The following DOCK1 variants were observed in gnomAD, a reference collection of about 807,000 sequenced individuals.
The protein encoded by DOCK1 is dedicator of cytokinesis 1.
A neutral mutation model predicts 262.7 loss-of-function variants in DOCK1; 138 were observed. That is an observed-to-expected ratio of 0.53 (90% CI 0.46 to 0.61). The LOEUF (loss-of-function observed/expected upper bound fraction) is 0.61. Among genes scored for constraint, DOCK1 ranks in the 20% least tolerant of loss-of-function variants. The pLI, the probability that DOCK1 is intolerant of heterozygous loss-of-function variation, is 0.00. For synonymous variants in DOCK1, 866 were observed against 867.4 expected, an observed-to-expected ratio of 1.00 and a Z score of 0.03; for missense variants, 1,908 against 2,370.7, an observed-to-expected ratio of 0.80 and a Z score of 4.05.
At chr10:127,020,558 A>T (rs1350655912) in intron 13 of DOCK1, among the ~76,000 whole-genome samples, 1 of 149,132 alleles carries the variant, frequency 6.7e-6, no homozygotes, top group Non-Finnish European at 1.5e-5. Flanking sequence ...ACAGAGAGAG[A>T]ACCTGTCTCA....
chr10:126,907,106 C>T (rs1220167965), intron 1 of DOCK1, among the ~76,000 whole-genome samples: 1 of 148,456 alleles, frequency 6.7e-6, no homozygotes. Flanking sequence ...GCACTTGGCA[C>T]GGGCCTTCAG....
chr10:126,948,464 G>A (rs1208069470), intron 1 of DOCK1, among the ~76,000 whole-genome samples: 1 of 151,930 alleles, frequency 6.6e-6, no homozygotes. Flanking sequence ...TGTGTTGGTA[G>A]TACTGATGTT....
intron 29 of DOCK1, among the ~76,000 whole-genome samples, chr10:127,302,737 AGG>A (rs34614558): frequency 0.11 from 15,245 of 134,828 alleles, 978 homozygotes; most frequent in Middle Eastern, 0.17. Flanking sequence ...TCTGGAAAAG[AGG>A]GGGTGTGTGT....
At chr10:127,180,905 G>A (rs200171864) in intron 27 of DOCK1, among the ~76,000 whole-genome samples, 6 of 152,192 alleles carry the variant, frequency 3.9e-5, no homozygotes, top group East Asian at 3.8e-4. Context: ...TAGCACATTC[G>A]GAGAGATTTA....
At chr10:127,110,009 A>G (rs548361122) in intron 24 of DOCK1, among the ~76,000 whole-genome samples, 1 of 151,712 alleles carries the variant, frequency 6.6e-6, no homozygotes, top group African/African-American at 2.4e-5. Flanking sequence ...ATCTTTACCA[A>G]CACTTGTTAT....
At chr10:127,076,152 C>T (rs11016038) in intron 23 of DOCK1, among the ~76,000 whole-genome samples, 24,757 of 152,160 alleles carry the variant, frequency 0.16, 2,391 homozygotes, top group African/African-American at 0.27. Flanking sequence ...AAATTGAGAA[C>T]TTCCTGACAG....
At chr10:127,237,094 C>T (rs1317467450) in intron 27 of DOCK1, among the ~76,000 whole-genome samples, 1 of 152,176 alleles carries the variant, frequency 6.6e-6, no homozygotes, top group Non-Finnish European at 1.5e-5. Context: ...CGCGGTGACT[C>T]TCGCCTGTAA....
intron 27 of DOCK1, among the ~76,000 whole-genome samples, chr10:127,166,076 T>C (rs1382660900): frequency 1.3e-5 from 2 of 151,878 alleles, no homozygotes; most frequent in African/African-American, 4.8e-5. Flanking sequence ...TTTATTTATT[T>C]ATTTTCTGAG....
chr10:127,067,776 C>T (rs1331023906), intron 23 of DOCK1, among the ~76,000 whole-genome samples: 1 of 152,190 alleles, frequency 6.6e-6, no homozygotes, highest in African/African-American at 2.4e-5. Context: ...CTCTGCCCCT[C>T]TGTCTCCTGC....
chr10:127,106,327 T>C lies in DOCK1; in HGVS notation c.2516+26T>C, dbSNP rs191589495. On this transcript the variant is annotated intron_variant, in intron 24 of 51. Transcript: ENST00000623213. ...GTAAGTATGCAGCCCAGGCGAATGC[T>C]TGTCACGTGCCGTGTGTGACCTCCT... The C allele has an allele frequency of 2.3e-4, 359 of 1,579,726 alleles. 3 individuals are homozygous for C. The East Asian group carries it at 5.5e-3, about 24-fold the overall frequency.
chr10:127,032,391 C>G lies in DOCK1; in HGVS notation c.1912+71C>G, dbSNP rs138055603. ...AGTCCTGTCTTTTCCATGCTCCTTCCTATGTGGAGGTGTGCTCCGTAGGTG... is the reference window on the plus strand; with the variant it reads ...AGTCCTGTCTTTTCCATGCTCCTTCGTATGTGGAGGTGTGCTCCGTAGGTG... On this transcript the variant is annotated intron_variant, in intron 18 of 51. Coordinates refer to ENST00000623213, the MANE Select transcript of DOCK1 (RefSeq NM_001290223.2). The G allele has an allele frequency of 6.3e-6, 9 of 1,436,568 alleles. No individual in the cohort carries two copies. In the African/African-American group the frequency reaches 1.2e-4, roughly 18 times the overall value. The allele number at this position is 1,436,568 out of a possible 1,614,324, so 89.0% of individuals were successfully genotyped here. A position where few individuals can be genotyped will look rare whatever the true frequency, so the allele number is the denominator to read the frequency against.
At chr10:127,356,219 C>T (rs1018602501) in intron 32 of DOCK1, among the ~76,000 whole-genome samples, 1 of 152,192 alleles carries the variant, frequency 6.6e-6, no homozygotes, top group South Asian at 2.1e-4. Context: ...TTCCTGCCAT[C>T]CCAGGGAGGA....
intron 46 of DOCK1, among the ~76,000 whole-genome samples, chr10:127,425,186 T>TG (rs1399408343): frequency 1.3e-5 from 2 of 152,260 alleles, no homozygotes; most frequent in East Asian, 1.9e-4. Flanking sequence ...GTCCAAGCCC[T>TG]GGGGGGAAGC....
intron 9 of DOCK1, 144 bp from the exon 10 acceptor site, chr10:127,000,028 T>G: frequency 1.1e-6 from 1 of 916,228 alleles, no homozygotes; most frequent in Non-Finnish European, 1.6e-6. Context: ...GTTATTAAAT[T>G]CCTTTTTGTC....
chr10:126,998,928 G>A (rs190081064), intron 8 of DOCK1, among the ~76,000 whole-genome samples: 59 of 152,262 alleles, frequency 3.9e-4, no homozygotes, highest in African/African-American at 1.4e-3. Flanking sequence ...AGAAAAATAC[G>A]AGTGGATTTT....
chr10:127,234,602 T>C (rs11596510), intron 27 of DOCK1, among the ~76,000 whole-genome samples: 1,968 of 152,202 alleles, frequency 0.013, 45 homozygotes, highest in South Asian at 0.1. Context: ...TTCAATGGAA[T>C]TCCAATTTGA....
intron 23 of DOCK1, among the ~76,000 whole-genome samples, chr10:127,065,416 C>T (rs1245798635): frequency 6.6e-6 from 1 of 152,118 alleles, no homozygotes; most frequent in Non-Finnish European, 1.5e-5. Context: ...CTGTGTGTCT[C>T]GTGCACATTT....
At chr10:127,338,691 C>T (rs1030490661) in intron 29 of DOCK1, among the ~76,000 whole-genome samples, 5 of 152,172 alleles carry the variant, frequency 3.3e-5, no homozygotes, top group East Asian at 1.9e-4. Flanking sequence ...CTTGAGAAAA[C>T]GATTTAATTT....
intron 27 of DOCK1, among the ~76,000 whole-genome samples, chr10:127,154,205 T>C (rs1372462311): frequency 6.6e-6 from 1 of 152,248 alleles, no homozygotes; most frequent in Non-Finnish European, 1.5e-5. Flanking sequence ...GAATGTGGGA[T>C]GTTTCAATGC....
Sources: gnomAD v4.1 joint callset for allele counts (sites outside exome capture counted in the v4.1 genomes callset) on GRCh38, gnomAD v4.1.1 for gene constraint, MANE v1.5 for transcripts, NCBI Gene and HGNC (gene_info 2026-07-23, HGNC 2026-07-21) for gene names.